The following TULP4 variants were observed in gnomAD, a reference collection of about 807,000 sequenced individuals.
TULP4 encodes tubby-related protein 4.
TULP4 carries 16 observed loss-of-function variants against 129.0 expected under a neutral mutation model. The observed-to-expected ratio is 0.12, with a 90% CI of 0.08 to 0.19. The LOEUF is 0.19. Among genes scored for constraint, TULP4 ranks in the 10% least tolerant of loss-of-function variants. TULP4 has a pLI of 1.00. For missense variants in TULP4, 1,842 were observed against 2,059.1 expected (o/e 0.89, Z 2.04); for synonymous variants, 998 against 854.0 (o/e 1.17, Z -2.94).
At chr6:158,297,995 A>G (rs1427136355) in intron 1 of TULP4, among the ~76,000 whole-genome samples, 1 of 152,172 alleles carries the variant, frequency 6.6e-6, no homozygotes, top group Admixed American at 6.5e-5. Flanking sequence ...CCCCCTAGGA[A>G]TGCAATTCTT....
At chr6:158,242,560 A>G in intron 1 of TULP4, 5 of 740,910 alleles carry the variant, frequency 6.7e-6, no homozygotes, top group Non-Finnish European at 1.3e-5. Context: ...TTGAGCCTGT[A>G]CTCGCAATAT....
intron 1 of TULP4, among the ~76,000 whole-genome samples, chr6:158,242,949 C>G (rs541395625): frequency 6.6e-6 from 1 of 152,122 alleles, no homozygotes; most frequent in Non-Finnish European, 1.5e-5. Context: ...CAACACCCGG[C>G]TAATTTTTTT....
intron 3 of TULP4, among the ~76,000 whole-genome samples, chr6:158,448,633 T>G (rs1562570414): frequency 6.6e-6 from 1 of 152,210 alleles, no homozygotes; most frequent in South Asian, 2.1e-4. Context: ...CTCTGCTGCT[T>G]CTTCGTTTTC....
chr6:158,246,203 A>G (rs1024260593), intron 1 of TULP4, among the ~76,000 whole-genome samples: 4 of 152,190 alleles, frequency 2.6e-5, no homozygotes, highest in Admixed American at 2.6e-4. Context: ...CTATTTAGCT[A>G]AAATTAAATA....
At chr6:158,334,352 A>T (rs76215822) in intron 1 of TULP4, among the ~76,000 whole-genome samples, 7,968 of 152,316 alleles carry the variant, frequency 0.052, 277 homozygotes, top group African/African-American at 0.089. Context: ...TAAACTTGCC[A>T]TATGGATAAA....
In TULP4 at chr6:158,503,100, A is replaced by G; in HGVS notation, c.3437A>G (p.Asn1146Ser). ...QERTAQTSGP[N>S]PLKLSSLMLS... The stretch of plus-strand genomic sequence containing the variant: ...AGGACAGCACAGACTTCAGGGCCCA[A>G]CCCCTTAAAACTGTCCTCTCTGATG... The change falls in exon 13 of 14, where the codon AAC (asparagine) becomes AGC (serine). Residue 1146 changes from asparagine to serine, a missense_variant. By Grantham distance (46) the Asn-to-Ser change is conservative. This residue lies in a region of TULP4 where 1,089 missense variants were observed against 987.1 expected (regional missense o/e 1.10). Coordinates refer to ENST00000367097, the MANE Select transcript of TULP4 (RefSeq NM_020245.5). This position sits in a 1 kb window ranked among gnomAD's most constrained non-coding sequence, Gnocchi z 4.3. 1.9e-6 allele frequency: 3 copies of G among 1,614,006 alleles called. No homozygotes were observed. Among genetic ancestry groups the G allele is most frequent in the South Asian group, 1.1e-5 (1 of 91,058 alleles).
chr6:158,417,260 C>G (rs1002580517), intron 2 of TULP4, among the ~76,000 whole-genome samples: 23 of 152,168 alleles, frequency 1.5e-4, no homozygotes, highest in African/African-American at 5.3e-4. Context: ...TCACCACCAT[C>G]CAACACTTCC....
Position 158,331,688 on chromosome 6 carries a change from G to GACACACACACAC in TULP4, c.252+17450_252+17461dup, listed in dbSNP as rs146753041. Among the ~76,000 whole-genome samples, 4 of 43,258 alleles carry GACACACACACAC rather than the reference G, an allele frequency of 9.2e-5. 2 individuals carry two copies. The highest frequency in any genetic ancestry group is 1.4e-4 in the African/African-American group (2 of 14,692). The allele number at this position is 43,258 out of a possible 152,430, so 28.4% of individuals were successfully genotyped here. A position where few individuals can be genotyped will look rare whatever the true frequency, so the allele number is the denominator to read the frequency against. ...TCTTTGCTGCTGGACTCGTTCAACA[G>GACACACACACAC]ACACACACACACACACACACACACA... On this transcript the variant is annotated intron_variant, in intron 1 of 13. Coordinates refer to ENST00000367097, the MANE Select transcript of TULP4 (RefSeq NM_020245.5).
intron 1 of TULP4, among the ~76,000 whole-genome samples, chr6:158,341,523 C>T (rs561126539): frequency 1.3e-3 from 196 of 152,252 alleles, no homozygotes; most frequent in Admixed American, 5.8e-3. Context: ...CTAAACGTTC[C>T]GTCCAACAAT....
chr6:158,300,164 C>T (rs1050477422), intron 1 of TULP4, among the ~76,000 whole-genome samples: 3 of 152,156 alleles, frequency 2.0e-5, no homozygotes, highest in Admixed American at 6.5e-5. Flanking sequence ...AGTATTCACA[C>T]GAAGTTTAAG....
upstream of TULP4, among the ~76,000 whole-genome samples, chr6:158,281,692 G>A (rs191843164): frequency 1.3e-5 from 2 of 152,234 alleles, no homozygotes; most frequent in East Asian, 3.9e-4. Flanking sequence ...TTCATAGCAT[G>A]TTTTGGACCA....
At chr6:158,474,655 T>A (rs1036543083) in intron 6 of TULP4, among the ~76,000 whole-genome samples, 1 of 152,184 alleles carries the variant, frequency 6.6e-6, no homozygotes, top group African/African-American at 2.4e-5. Flanking sequence ...CGTTATCAGG[T>A]AGTTCCTGTC....
chr6:158,441,173 G>T (rs1159544930), intron 3 of TULP4, among the ~76,000 whole-genome samples: 3 of 151,982 alleles, frequency 2.0e-5, no homozygotes, highest in Non-Finnish European at 2.9e-5. Context: ...AATTACCCAG[G>T]CACGATGGTG....
At chr6:158,347,998 A>C (rs1385313102) in intron 1 of TULP4, among the ~76,000 whole-genome samples, 1 of 150,614 alleles carries the variant, frequency 6.6e-6, no homozygotes, top group Non-Finnish European at 1.5e-5. Flanking sequence ...CTTGATCTTT[A>C]TTTCTCATTT....
intron 1 of TULP4, among the ~76,000 whole-genome samples, chr6:158,389,359 G>A (rs569598716): frequency 2.0e-5 from 3 of 152,192 alleles, no homozygotes; most frequent in Non-Finnish European, 2.9e-5. Context: ...GGCTGAAGTG[G>A]TAGGACTGCT....
At chr6:158,237,757 G>T (rs1340983082) in intron 1 of TULP4, 1 of 800,462 alleles carries the variant, frequency 1.2e-6, no homozygotes, top group African/African-American at 1.7e-5. Flanking sequence ...CCAAATGTAT[G>T]TAGCACCAGG....
At chr6:158,343,577 C>A (rs1780235807) in intron 1 of TULP4, among the ~76,000 whole-genome samples, 1 of 152,096 alleles carries the variant, frequency 6.6e-6, no homozygotes, top group South Asian at 2.1e-4. Flanking sequence ...CATGAGGATA[C>A]AAGGAGAAGG....
intron 1 of TULP4, among the ~76,000 whole-genome samples, chr6:158,316,643 C>T (rs1450186411): frequency 6.6e-6 from 1 of 152,074 alleles, no homozygotes; most frequent in Non-Finnish European, 1.5e-5. Context: ...ACAAATCACC[C>T]CAGACTTGGT....
chr6:158,398,931 G>A (rs1004855266), intron 1 of TULP4, among the ~76,000 whole-genome samples: 3 of 152,164 alleles, frequency 2.0e-5, no homozygotes, highest in Non-Finnish European at 4.4e-5. Flanking sequence ...TCTTAGAGTT[G>A]TCAGACATTT....
Sources: allele counts gnomAD v4.1 joint callset (sites outside exome capture counted in the v4.1 genomes callset), GRCh38; gene constraint gnomAD v4.1.1; regional missense constraint gnomAD v4.1.1; non-coding constraint Gnocchi (gnomAD v3.1); transcripts MANE v1.5; gene names NCBI Gene and HGNC (gene_info 2026-07-23, HGNC 2026-07-21).